The following LRTM1 variants were observed in gnomAD, a reference collection of about 807,000 sequenced individuals.
LRTM1 encodes leucine-rich repeat and transmembrane domain-containing protein 1.
Under a neutral mutation model 32.4 loss-of-function variants are expected in LRTM1, and 38 were observed. The observed-to-expected ratio is 1.17, with a 90% CI of 0.91 to 1.54. The LOEUF (loss-of-function observed/expected upper bound fraction) is 1.54. Ranked by LOEUF, LRTM1 falls within the 40% of genes most tolerant of loss-of-function variation. The pLI, the probability that LRTM1 is intolerant of heterozygous loss-of-function variation, is 0.00. For missense variants in LRTM1, 466 were observed against 415.4 expected (o/e 1.12, Z -1.06); for synonymous variants, 186 against 169.9 (o/e 1.09, Z -0.74).
intron 2 of LRTM1, among the ~76,000 whole-genome samples, chr3:54,920,328 G>A (rs778759403): frequency 1.8e-4 from 27 of 152,122 alleles, no homozygotes; most frequent in Non-Finnish European, 3.1e-4. Flanking sequence ...TTATCAGGTG[G>A]CCCCAACACA....
intron 1 of LRTM1, among the ~76,000 whole-genome samples, chr3:54,934,297 C>T (rs1330342683): frequency 6.6e-6 from 1 of 152,178 alleles, no homozygotes; most frequent in African/African-American, 2.4e-5. Context: ...TCTGGAAGCT[C>T]TGACTCAGGA....
At chr3:54,931,344 C>T (rs1043519493), upstream of LRTM1, among the ~76,000 whole-genome samples, 2 of 152,182 alleles carry the variant, frequency 1.3e-5, no homozygotes, top group African/African-American at 4.8e-5. Flanking sequence ...GGACTGCCCG[C>T]CCCGGACACT....
At chr3:54,942,117 C>T (rs1353522709) in intron 1 of LRTM1, among the ~76,000 whole-genome samples, 1 of 152,224 alleles carries the variant, frequency 6.6e-6, no homozygotes, top group Non-Finnish European at 1.5e-5. Flanking sequence ...CCTGGCAATC[C>T]TTTGTTACCT....
chr3:54,945,453 C>T (rs1701588747), intron 1 of LRTM1, among the ~76,000 whole-genome samples: 1 of 152,132 alleles, frequency 6.6e-6, no homozygotes, highest in Non-Finnish European at 1.5e-5. Context: ...ATCTCTTTTT[C>T]CCTAGGAGCC....
chr3:54,918,526 G>C lies in LRTM1; in HGVS notation c.971C>G (p.Pro324Arg). The C allele has an allele frequency of 6.2e-7, 1 of 1,613,686 alleles. No individual in the cohort carries two copies. Among genetic ancestry groups the C allele is most frequent in the Non-Finnish European group, 8.5e-7 (1 of 1,179,936 alleles). The change falls in exon 3 of 3, where the codon CCC (proline) becomes CGC (arginine). Residue 324 changes from proline (P) to arginine (R), a missense_variant. Physicochemically the swap from Pro to Arg is moderately radical, Grantham distance 103. Transcript: ENST00000273286. ...CCCAGGATCATTGGTTTGAGCCAAG[G>C]GTCCCCCATGGTACTGGGCTGTGAT... ...AAITAQYHGG[P>R]LAQTNDPGKV...
At chr3:54,956,800 T>G (rs563094170) in intron 1 of LRTM1, among the ~76,000 whole-genome samples, 10 of 152,332 alleles carry the variant, frequency 6.6e-5, no homozygotes, top group African/African-American at 2.4e-4. Flanking sequence ...CTAGAGTGTT[T>G]AGGTAGCAAA....
rs199813850 is a variant in LRTM1, at chr3:54,927,595, C to A, written c.7+310G>T. Among the ~76,000 whole-genome samples the A allele has an allele frequency of 3.3e-5, 5 of 152,198 alleles. No individual in the cohort carries two copies. In the East Asian group the frequency reaches 9.7e-4, roughly 29 times the overall value. ...ATTGTAGCCAATTTGTTCATTCTTT[C>A]TTTGGTTCCACTTTTCCCCCCAAAG... On this transcript the variant is annotated intron_variant, in intron 1 of 2. Coordinates refer to ENST00000273286, the MANE Select transcript of LRTM1 (RefSeq NM_020678.4).
intron 1 of LRTM1, among the ~76,000 whole-genome samples, chr3:54,934,117 G>C (rs1026576715): frequency 2.0e-5 from 3 of 152,210 alleles, no homozygotes; most frequent in Admixed American, 2.0e-4. Flanking sequence ...CAGGGACGGA[G>C]AAGGTAAAAA....
At chr3:54,962,898 C>T (rs1456718925) in intron 1 of LRTM1, among the ~76,000 whole-genome samples, 1 of 152,088 alleles carries the variant, frequency 6.6e-6, no homozygotes, top group Admixed American at 6.6e-5. Flanking sequence ...GCCAACCCCA[C>T]AGGAAATTAT....
chr3:54,920,102 G>T (rs1484993262), intron 2 of LRTM1, among the ~76,000 whole-genome samples: 1 of 152,242 alleles, frequency 6.6e-6, no homozygotes, highest in Non-Finnish European at 1.5e-5. Context: ...AGCAAAGTTA[G>T]ATTGGAGGAG....
rs1285103564 is a variant in LRTM1, at chr3:54,923,726, C to T, written c.604+893G>A. 3.3e-5 allele frequency among the ~76,000 whole-genome samples: 5 copies of T among 152,090 alleles called. 1 individual carries two copies. Among genetic ancestry groups the T allele is most frequent in the Non-Finnish European group, 5.9e-5 (4 of 68,012 alleles). On this transcript the variant is annotated intron_variant, in intron 2 of 2. Transcript: ENST00000273286. ...CACTGTGAAGTGGAGGAAAGAATGTCGGGTCAAGACCCAAAAGCCATGCCT... is the reference window on the plus strand; with the variant it reads ...CACTGTGAAGTGGAGGAAAGAATGTTGGGTCAAGACCCAAAAGCCATGCCT...
intron 1 of LRTM1, among the ~76,000 whole-genome samples, chr3:54,956,794 A>G (rs1219203511): frequency 6.6e-6 from 1 of 152,096 alleles, no homozygotes; most frequent in Non-Finnish European, 1.5e-5. Flanking sequence ...AATATTCTAG[A>G]GTGTTTAGGT....
rs188453544 is a variant in LRTM1, at chr3:54,947,762, A to G, written c.-222+19166T>C. Among the ~76,000 whole-genome samples, 348 of 152,308 alleles carry G rather than the reference A, an allele frequency of 2.3e-3. 2 individuals carry two copies. Among genetic ancestry groups the G allele is most frequent in the African/African-American group, 7.9e-3 (327 of 41,578 alleles). ...TGTATTCCAAATATGAAGGGCTTGG[A>G]TGCTAGCCCTAAGGCAACTAGAAGC... On this transcript the variant is annotated intron_variant, in intron 1 of 2. Transcript: ENST00000493075.
At chr3:54,949,971 A>G (rs371955320) in intron 1 of LRTM1, among the ~76,000 whole-genome samples, 2 of 152,240 alleles carry the variant, frequency 1.3e-5, no homozygotes, top group South Asian at 2.1e-4. Context: ...TCAGGCATGC[A>G]GAGTCTCTAG....
In LRTM1 at chr3:54,918,560, A is replaced by G. The variant is rs1575371763; in HGVS notation, c.937T>C (p.Tyr313His). Reference protein sequence around the residue: ...MLAAAIYGCTYAAITAQYHGG... With the variant: ...MLAAAIYGCTHAAITAQYHGG... ...TGGTACTGGGCTGTGATTGCCGCAT[A>G]GGTGCAGCCATAGATGGCAGCTGCC... The change falls in exon 3 of 3, where the codon TAT becomes CAT. Residue 313 changes from tyrosine (Y) to histidine (H), a missense_variant. By Grantham distance (83) the Tyr-to-His change is moderately conservative (BLOSUM62 2). Coordinates refer to ENST00000273286, the MANE Select transcript of LRTM1 (RefSeq NM_020678.4). 1.9e-6 allele frequency: 3 copies of G among 1,614,036 alleles called. No individual in the cohort carries two copies. The East Asian group carries it at 6.7e-5, about 36-fold the overall frequency.
At chr3:54,928,187 A>G (rs1481934811), upstream of LRTM1, 6 of 492,768 alleles carry the variant, frequency 1.2e-5, no homozygotes, top group South Asian at 1.7e-4. Context: ...TGGCCTCCCC[A>G]GGATCATCCC....
intron 1 of LRTM1, among the ~76,000 whole-genome samples, chr3:54,963,659 G>GTGTT (rs1246390893): frequency 3.3e-5 from 5 of 152,336 alleles, no homozygotes; most frequent in African/African-American, 1.2e-4. Flanking sequence ...AATGGTCTAT[G>GTGTT]TGTTTTGGAT....
At chr3:54,925,240 G>A (rs747175182) in intron 1 of LRTM1, 25 bp from the exon 2 acceptor site, 2 of 1,579,532 alleles carry the variant, frequency 1.3e-6, no homozygotes, top group Non-Finnish European at 1.7e-6. Context: ...AAGAAATTGG[G>A]ATAGGAACCA....
intron 1 of LRTM1, among the ~76,000 whole-genome samples, chr3:54,926,656 G>C (rs1193628407): frequency 6.6e-6 from 1 of 152,050 alleles, no homozygotes; most frequent in African/African-American, 2.4e-5. Flanking sequence ...TATCCACATG[G>C]ATACGTGGAA....
Sources: allele counts gnomAD v4.1 joint callset (sites outside exome capture counted in the v4.1 genomes callset), GRCh38; gene constraint gnomAD v4.1.1; transcripts MANE v1.5; gene names NCBI Gene and HGNC (gene_info 2026-07-23, HGNC 2026-07-21).